Variants in MACROD2 observed in about 807,000 individuals in gnomAD.
MACROD2 encodes the protein ADP-ribose glycohydrolase MACROD2.
In MACROD2, 36 loss-of-function variants were observed where a neutral mutation model predicts 70.4. The ratio of observed to expected loss-of-function variants is 0.51; its 90% CI spans 0.39 to 0.68. The LOEUF is 0.68. Ranked by LOEUF, MACROD2 falls within the 30% of genes least tolerant of loss-of-function variation. The pLI is 0.00. For synonymous variants in MACROD2, 172 were observed against 178.8 expected, an observed-to-expected ratio of 0.96 and a Z score of 0.30; for missense variants, 496 against 538.4, an observed-to-expected ratio of 0.92 and a Z score of 0.78.
At chr20:15,876,117 G>GTATGTATA (rs1568611956) in intron 9 of MACROD2, among the ~76,000 whole-genome samples, 1 of 82,316 alleles carries the variant, frequency 1.2e-5, no homozygotes, top group African/African-American at 7.7e-5. Flanking sequence ...ATATATGTGT[G>GTATGTATA]TATTTTTTTT....
At chr20:14,015,356 A>G (rs1364934370) in intron 2 of MACROD2, among the ~76,000 whole-genome samples, 3 of 152,152 alleles carry the variant, frequency 2.0e-5, no homozygotes, top group Non-Finnish European at 4.4e-5. Context: ...CTGAAGCAGG[A>G]GGATAGCTTG....
chr20:14,569,655 T>C (rs1980054212), intron 4 of MACROD2, among the ~76,000 whole-genome samples: 1 of 151,924 alleles, frequency 6.6e-6, no homozygotes, highest in African/African-American at 2.4e-5. Context: ...TCTGCTTATA[T>C]AATCAAAGTA....
At chr20:15,954,762 C>T (rs543231143) in intron 12 of MACROD2, among the ~76,000 whole-genome samples, 43 of 152,264 alleles carry the variant, frequency 2.8e-4, no homozygotes, top group Middle Eastern at 3.4e-3. Flanking sequence ...CAAGCATGTG[C>T]TACATAGCTA....
chr20:15,352,431 G>A (rs1014682), intron 6 of MACROD2, among the ~76,000 whole-genome samples: 92,880 of 151,922 alleles, frequency 0.61, 28,454 homozygotes, highest in East Asian at 0.75. Flanking sequence ...GCTAAAACAC[G>A]TATCAAAATA....
At chr20:15,959,693 C>T (rs2066031367) in intron 12 of MACROD2, among the ~76,000 whole-genome samples, 1 of 152,076 alleles carries the variant, frequency 6.6e-6, no homozygotes, top group Admixed American at 6.6e-5. Flanking sequence ...CCACACCTGG[C>T]TAACGTTTTT....
chr20:15,961,788 C>T (rs1442253876), intron 12 of MACROD2, among the ~76,000 whole-genome samples: 1 of 152,124 alleles, frequency 6.6e-6, no homozygotes, highest in Non-Finnish European at 1.5e-5. Context: ...ACATTCAGAA[C>T]CATAGATACT....
intron 5 of MACROD2, among the ~76,000 whole-genome samples, chr20:14,972,915 G>A (rs939914423): frequency 6.6e-5 from 10 of 152,144 alleles, no homozygotes; most frequent in South Asian, 4.1e-4. Context: ...CCAGAAACTC[G>A]CTGTTATCCT....
At chr20:14,789,037 G>A (rs1286198906) in intron 5 of MACROD2, among the ~76,000 whole-genome samples, 1 of 151,768 alleles carries the variant, frequency 6.6e-6, no homozygotes, top group Non-Finnish European at 1.5e-5. Flanking sequence ...CCAAAGTTCT[G>A]GGATTACAGG....
intron 5 of MACROD2, among the ~76,000 whole-genome samples, chr20:15,105,565 A>T (rs536314918): frequency 2.5e-4 from 38 of 152,200 alleles, no homozygotes; most frequent in African/African-American, 8.4e-4. Context: ...GAGTCAGGGA[A>T]CATATGTGCC....
chr20:15,137,382 A>C (rs1199938789), intron 5 of MACROD2, among the ~76,000 whole-genome samples: 1 of 151,982 alleles, frequency 6.6e-6, no homozygotes, highest in East Asian at 1.9e-4. Flanking sequence ...TGCAGCCATA[A>C]AAAATGATGA....
intron 8 of MACROD2, among the ~76,000 whole-genome samples, chr20:15,693,088 G>C (rs1600767528): frequency 6.6e-6 from 1 of 152,182 alleles, no homozygotes; most frequent in East Asian, 1.9e-4. Context: ...CATGCTTCCT[G>C]TTAAGCCTGC....
intron 5 of MACROD2, among the ~76,000 whole-genome samples, chr20:14,869,229 GA>G (rs888233183): frequency 6.6e-6 from 1 of 151,938 alleles, no homozygotes; most frequent in Non-Finnish European, 1.5e-5. Context: ...TGCTAGAGTA[GA>G]AAAAATAATT....
Position 15,393,094 on chromosome 20 carries a change from A to G in MACROD2, c.541-38311A>G, listed in dbSNP as rs73267102. On this transcript the variant is annotated intron_variant, in intron 6 of 17. Coordinates refer to ENST00000684519, the MANE Select transcript of MACROD2 (RefSeq NM_001351661.2). ...CAAGACCCCAGTCTAAGAGTGGCCT[A>G]TAATTCTCCTTTCTGATTCTCTGGC... is the stretch of plus-strand genomic sequence containing the variant. Among the ~76,000 whole-genome samples the G allele has an allele frequency of 2.0e-3, 309 of 152,182 alleles. 2 individuals carry two copies. The highest frequency in any genetic ancestry group is 7.2e-3 in the African/African-American group (301 of 41,540).
intron 3 of MACROD2, among the ~76,000 whole-genome samples, chr20:14,136,313 G>C (rs1243426694): frequency 6.6e-6 from 1 of 152,124 alleles, no homozygotes; most frequent in African/African-American, 2.4e-5. Flanking sequence ...GGAATAAAAA[G>C]CTGGAGTTAG....
At chr20:15,260,343 A>ATTT (rs71190182) in intron 6 of MACROD2, among the ~76,000 whole-genome samples, 3 of 145,694 alleles carry the variant, frequency 2.1e-5, no homozygotes, top group African/African-American at 7.6e-5. Flanking sequence ...CCATGAGATC[A>ATTT]TTTTTTTTTT....
At chr20:14,090,572 CA>C (rs10715091) in intron 3 of MACROD2, among the ~76,000 whole-genome samples, 129,255 of 143,500 alleles carry the variant, frequency 0.9, 58,222 homozygotes, top group East Asian at 0.98. Flanking sequence ...GACTCCGTGT[CA>C]AAAAAAAAAA....
At chr20:14,814,062 G>T (rs1196492703) in intron 5 of MACROD2, among the ~76,000 whole-genome samples, 1 of 152,084 alleles carries the variant, frequency 6.6e-6, no homozygotes, top group Non-Finnish European at 1.5e-5. Context: ...GAAACTGGAA[G>T]AAAACCAAAT....
At chr20:14,692,402 T>A (rs980294760) in intron 5 of MACROD2, among the ~76,000 whole-genome samples, 39 of 152,234 alleles carry the variant, frequency 2.6e-4, no homozygotes, top group Non-Finnish European at 4.7e-4. Context: ...CCACTAGTGA[T>A]GACATCTGTG....
chr20:15,068,802 C>G (rs1408733367), intron 5 of MACROD2, among the ~76,000 whole-genome samples: 1 of 152,100 alleles, frequency 6.6e-6, no homozygotes, highest in Non-Finnish European at 1.5e-5. Flanking sequence ...AAAAAATGGA[C>G]TGACACAGAA....
Sources: gnomAD v4.1 joint callset for allele counts (sites outside exome capture counted in the v4.1 genomes callset) on GRCh38, gnomAD v4.1.1 for gene constraint, MANE v1.5 for transcripts, NCBI Gene and HGNC (gene_info 2026-07-23, HGNC 2026-07-21) for gene names.